ZFP69: variants seen among roughly 807,000 people sequenced by gnomAD.
The protein encoded by ZFP69 is zinc finger protein 69 homolog.
In ZFP69, 35 loss-of-function variants were observed where a neutral mutation model predicts 48.9. The observed-to-expected ratio is 0.72, with a 90% CI of 0.55 to 0.95. The LOEUF (loss-of-function observed/expected upper bound fraction) is 0.95. Ranked by LOEUF, ZFP69 falls within the 40% of genes least tolerant of loss-of-function variation. ZFP69 has a pLI of 0.00. For synonymous variants in ZFP69, 193 were observed against 216.8 expected (o/e 0.89, Z 0.96); for missense variants, 557 against 638.4 (o/e 0.87, Z 1.37).
At chr1:40,485,543 T>C (rs1428483405) in intron 3 of ZFP69, among the ~76,000 whole-genome samples, 2 of 152,198 alleles carry the variant, frequency 1.3e-5, no homozygotes, top group African/African-American at 4.8e-5. Context: ...ATGTCTTTCT[T>C]ATTTGCCCTC....
At chr1:40,479,519 G>A in intron 2 of ZFP69, 31 bp downstream of exon 2, 1 of 1,590,740 alleles carries the variant, frequency 6.3e-7, no homozygotes, top group Admixed American at 1.7e-5. Flanking sequence ...GGGGAAGAAG[G>A]GGATCTCATT....
At position 40,489,420 on chromosome 1, in the gene ZFP69, A is replaced by AC; in HGVS notation, c.347-105dup. ...ACACATAGTTAGGATAGAAAGACCC[A>AC]CCCCTTTCCACTTGTGGAGACCCTG... On this transcript the variant is annotated intron_variant, in intron 4 of 5. Coordinates refer to ENST00000372706, the MANE Select transcript of ZFP69 (RefSeq NM_001320179.2). The AC allele has an allele frequency of 3.5e-6, 4 of 1,153,890 alleles. 1 individual carries two copies. Among genetic ancestry groups the AC allele is most frequent in the Non-Finnish European group, 5.0e-6 (4 of 803,674 alleles). 71.5% of individuals were successfully genotyped at this position (1,153,890 alleles called of 1,614,324 possible). A position where few individuals can be genotyped will look rare whatever the true frequency, so the allele number is the denominator to read the frequency against.
intron 3 of ZFP69, among the ~76,000 whole-genome samples, chr1:40,487,298 T>C (rs891747646): frequency 6.6e-6 from 1 of 152,176 alleles, no homozygotes; most frequent in Non-Finnish European, 1.5e-5. Context: ...AATAAATATA[T>C]TGAAACATTT....
In ZFP69 at chr1:40,489,078, G is replaced by A. The variant is rs1056305348; in HGVS notation, c.220-10G>A. ...TCTCCGGCTAAAAATGAATGTATTT[G>A]ATGTTCTAGGAATTGTTGACTTTCA... On this transcript the variant is annotated splice_polypyrimidine_tract_variant and intron_variant, in intron 3 of 5. Transcript: ENST00000372706. The A allele has an allele frequency of 1.2e-6, 2 of 1,613,462 alleles. No homozygotes were observed. Among genetic ancestry groups the A allele is most frequent in the Non-Finnish European group, 1.7e-6 (2 of 1,179,920 alleles).
In ZFP69 at chr1:40,481,806, A is replaced by T; in HGVS notation, c.171A>T (p.Glu57Asp). ...QDAEDVKTQR[E>D]SLEDEVTPGL... is the part of the protein sequence containing the mutation. ...CTGAGGACGTAAAGACCCAGAGAGA[A>T]AGTTTAGAGGATGAAGTGACCCCTG... The change falls in exon 3 of 6, where the codon GAA becomes GAT. Residue 57 changes from glutamate to aspartate, a missense_variant. By Grantham distance (45) the Glu-to-Asp change is conservative. Transcript: ENST00000372706. 6.2e-7 allele frequency: 1 copy of T among 1,613,048 alleles called. No homozygotes were observed. The highest frequency in any genetic ancestry group is 8.5e-7 in the Non-Finnish European group (1 of 1,179,312).
At chr1:40,491,090 A>G (rs1645563199) in intron 5 of ZFP69, 1 of 152,234 alleles carries the variant, frequency 6.6e-6, no homozygotes, top group Admixed American at 6.5e-5. Context: ...ATCAGTGTAT[A>G]CATACTAAAC....
Position 40,495,849 on chromosome 1 carries a change from T to C in ZFP69, c.1371T>C (p.His457=). The change falls in exon 6 of 6, where the codon CAT becomes CAC. Residue 457 remains histidine (H), a synonymous_variant. Coordinates refer to ENST00000372706, the MANE Select transcript of ZFP69 (RefSeq NM_001320179.2). ...AFRQRIHLSN[H]KTVHTGVKAY... ...GGCAGAGGATACACCTTAGCAACCA[T>C]AAAACTGTTCATACAGGAGTGAAAG... 3 of 1,614,190 alleles carry C rather than the reference T, an allele frequency of 1.9e-6. No individual in the cohort carries two copies. Among genetic ancestry groups the C allele is most frequent in the East Asian group, 2.2e-5 (1 of 44,880 alleles).
At position 40,489,075 on chromosome 1, in the gene ZFP69, T is replaced by C; in HGVS notation, c.220-13T>C. On this transcript the variant is annotated splice_polypyrimidine_tract_variant and intron_variant, in intron 3 of 5. Coordinates refer to ENST00000372706, the MANE Select transcript of ZFP69 (RefSeq NM_001320179.2). ...TGGTCTCCGGCTAAAAATGAATGTA[T>C]TTGATGTTCTAGGAATTGTTGACTT... 6.2e-7 allele frequency: 1 copy of C among 1,613,508 alleles called. No individual in the cohort carries two copies. Among genetic ancestry groups the C allele is most frequent in the Non-Finnish European group, 8.5e-7 (1 of 1,179,862 alleles).
intron 5 of ZFP69, among the ~76,000 whole-genome samples, chr1:40,494,397 T>C (rs1164881626): frequency 7.0e-6 from 1 of 142,424 alleles, no homozygotes; most frequent in Non-Finnish European, 1.5e-5. Context: ...GCCTCCCGAG[T>C]AGCTGGGACT....
intron 3 of ZFP69, among the ~76,000 whole-genome samples, chr1:40,486,614 G>T (rs1478540682): frequency 6.6e-6 from 1 of 151,178 alleles, no homozygotes; most frequent in Non-Finnish European, 1.5e-5. Flanking sequence ...TAGAGACAGG[G>T]TCTTCCTATG....
At chr1:40,491,785 G>GTGTGTA (rs1553129570) in intron 5 of ZFP69, among the ~76,000 whole-genome samples, 5,049 of 148,678 alleles carry the variant, frequency 0.034, 122 homozygotes, top group Middle Eastern at 0.087. Context: ...GTGTGTGTGT[G>GTGTGTA]TATATATATA....
chr1:40,491,763 A>ATGTG (rs1553129549), intron 5 of ZFP69, among the ~76,000 whole-genome samples: 43 of 129,448 alleles, frequency 3.3e-4, no homozygotes, highest in African/African-American at 9.1e-4. Flanking sequence ...GTGTGTGTGT[A>ATGTG]TGTGTGTGTG....
intron 5 of ZFP69, among the ~76,000 whole-genome samples, chr1:40,490,543 T>C (rs949345308): frequency 6.6e-6 from 1 of 152,140 alleles, no homozygotes; most frequent in Non-Finnish European, 1.5e-5. Context: ...CTCATTAAGG[T>C]TGAGCTGGAT....
chr1:40,478,148 A>ACACACACACACG (rs1410018193), intron 1 of ZFP69, among the ~76,000 whole-genome samples: 17 of 151,490 alleles, frequency 1.1e-4, no homozygotes, highest in Admixed American at 1.1e-3. Flanking sequence ...ACACACACAC[A>ACACACACACACG]CGCCTATAAG....
chr1:40,480,030 CAT>C (rs769448927), intron 2 of ZFP69, among the ~76,000 whole-genome samples: 47 of 152,266 alleles, frequency 3.1e-4, no homozygotes, highest in Non-Finnish European at 5.7e-4. Context: ...TCATGTGTCT[CAT>C]GTGGTGTTTT....
intron 3 of ZFP69, among the ~76,000 whole-genome samples, chr1:40,482,940 C>T (rs1488233232): frequency 6.6e-6 from 1 of 152,128 alleles, no homozygotes; most frequent in Non-Finnish European, 1.5e-5. Flanking sequence ...AAAAACTCAT[C>T]AAGGATACAG....
rs200047507 is a variant in ZFP69, at chr1:40,489,556, T to C, written c.374T>C (p.Ile125Thr). The C allele has an allele frequency of 4.3e-6, 7 of 1,613,466 alleles. No homozygotes were observed. In the East Asian group the frequency reaches 1.3e-4, roughly 31 times the overall value. The change falls in exon 5 of 6, where the codon ATA becomes ACA. Residue 125 changes from isoleucine to threonine, a missense_variant. Ile to Thr is a moderately conservative substitution (Grantham distance 89, BLOSUM62 -1). Coordinates refer to ENST00000372706, the MANE Select transcript of ZFP69 (RefSeq NM_001320179.2). Reference sequence around the variant, plus strand: ...TATCAACTTTCCAAACCTAGTGTGATATCCCAGTTAGAGAAAGGAGAAGAG... The same window carrying C: ...TATCAACTTTCCAAACCTAGTGTGACATCCCAGTTAGAGAAAGGAGAAGAG... ...VGYQLSKPSV[I>T]SQLEKGEEPW...
intron 3 of ZFP69, among the ~76,000 whole-genome samples, chr1:40,485,258 A>G (rs1645484165): frequency 6.6e-6 from 1 of 152,076 alleles, no homozygotes; most frequent in South Asian, 2.1e-4. Flanking sequence ...GTGAGGCCAT[A>G]TAATATTAAT....
chr1:40,483,237 T>G (rs1365699222), intron 3 of ZFP69, among the ~76,000 whole-genome samples: 1 of 146,310 alleles, frequency 6.8e-6, no homozygotes, highest in Non-Finnish European at 1.5e-5. Context: ...TTTTTTTTTT[T>G]TTTTTTTTTA....
Sources: gnomAD v4.1 joint callset for allele counts (sites outside exome capture counted in the v4.1 genomes callset) on GRCh38, gnomAD v4.1.1 for gene constraint, MANE v1.5 for transcripts, NCBI Gene and HGNC (gene_info 2026-07-23, HGNC 2026-07-21) for gene names.